Variants in DAG1 observed in about 807,000 individuals in gnomAD.
The protein encoded by DAG1 is dystroglycan 1.
A neutral mutation model predicts 46.1 loss-of-function variants in DAG1; 8 were observed. The ratio of observed to expected loss-of-function variants is 0.17; its 90% CI spans 0.10 to 0.31. DAG1 has a LOEUF of 0.31. Ranked by LOEUF, DAG1 falls within the 10% of genes least tolerant of loss-of-function variation. The pLI, the probability that DAG1 is intolerant of heterozygous loss-of-function variation, is 1.00. For synonymous variants in DAG1, 495 were observed against 481.8 expected, an observed-to-expected ratio of 1.03 and a Z score of -0.36; for missense variants, 1,003 against 1,189.9, an observed-to-expected ratio of 0.84 and a Z score of 2.31.
chr3:49,471,431 A>C (rs919629536), intron 1 of DAG1, among the ~76,000 whole-genome samples: 1 of 152,216 alleles, frequency 6.6e-6, no homozygotes, highest in Non-Finnish European at 1.5e-5. Flanking sequence ...GTTCAGAGAC[A>C]TTATTTTGGA....
At chr3:49,479,108 T>C (rs545689006) in intron 1 of DAG1, among the ~76,000 whole-genome samples, 1 of 151,416 alleles carries the variant, frequency 6.6e-6, no homozygotes, top group Non-Finnish European at 1.5e-5. Flanking sequence ...CATTTTATTT[T>C]TTCTGTAAAT....
chr3:49,533,951 G>C lies in DAG1; in HGVS notation c.*752G>C, dbSNP rs1301380843. On this transcript the variant is annotated 3_prime_UTR_variant, in exon 3 of 3. Transcript: ENST00000308775. ...GTTTGCTCTCCCGCTGTTGCCAGGG[G>C]CTGGAAGCTGGAGGGGTCTCTTGGG... 6.3e-6 allele frequency: 1 copy of C among 158,612 alleles called. No homozygotes were observed. The highest frequency in any genetic ancestry group is 1.4e-5 in the Non-Finnish European group (1 of 72,040). 9.8% of individuals were successfully genotyped at this position (158,612 alleles called of 1,614,324 possible).
chr3:49,482,174 C>G (rs1407382203), intron 1 of DAG1, among the ~76,000 whole-genome samples: 1 of 152,160 alleles, frequency 6.6e-6, no homozygotes, highest in Non-Finnish European at 1.5e-5. Flanking sequence ...TCTCTAGTCT[C>G]AATAAACTGG....
intron 2 of DAG1, among the ~76,000 whole-genome samples, chr3:49,527,631 A>G (rs967888415): frequency 8.6e-5 from 13 of 151,666 alleles, no homozygotes; most frequent in African/African-American, 2.7e-4. Flanking sequence ...TGATCCCGGG[A>G]GGCGGAGCTT....
At chr3:49,475,762 G>C (rs146101796) in intron 1 of DAG1, among the ~76,000 whole-genome samples, 1 of 148,138 alleles carries the variant, frequency 6.8e-6, no homozygotes, top group African/African-American at 2.5e-5. Flanking sequence ...GGAGTGCAGT[G>C]GTGCGATCCT....
chr3:49,491,204 C>T lies in DAG1; in HGVS notation c.-116-19215C>T, dbSNP rs2050172901. ...TTTCTATTTTTAATAGAGATGGGGT[C>T]CCACTATGTTGCCGGGGCTGGTCTC... On this transcript the variant is annotated intron_variant, in intron 1 of 2. Coordinates refer to ENST00000308775, the MANE Select transcript of DAG1 (RefSeq NM_004393.6). Among the ~76,000 whole-genome samples, 3 of 151,300 alleles carry T rather than the reference C, an allele frequency of 2.0e-5. No individual in the cohort carries two copies. In the South Asian group the frequency reaches 6.3e-4, roughly 32 times the overall value.
chr3:49,533,417 T>G lies in DAG1; in HGVS notation c.*218T>G. ...TGGGGACTTTTTTATTTTTATTTTT[T>G]GCCTAACAGCTTTTGGTTTGTTCAT... On this transcript the variant is annotated 3_prime_UTR_variant, in exon 3 of 3. Transcript: ENST00000308775. 1.3e-6 allele frequency: 1 copy of G among 741,250 alleles called. No homozygotes were observed. Among genetic ancestry groups the G allele is most frequent in the South Asian group, 1.5e-5 (1 of 67,596 alleles). 45.9% of individuals were successfully genotyped at this position (741,250 alleles called of 1,614,324 possible). A position where few individuals can be genotyped will look rare whatever the true frequency, so the allele number is the denominator to read the frequency against.
At chr3:49,523,120 G>A (rs937597884) in intron 2 of DAG1, among the ~76,000 whole-genome samples, 12 of 152,174 alleles carry the variant, frequency 7.9e-5, no homozygotes, top group African/African-American at 2.4e-4. Flanking sequence ...TCCTGGCCTG[G>A]CAGCCCTTAG....
At chr3:49,507,631 C>CTT (rs556207080) in intron 1 of DAG1, among the ~76,000 whole-genome samples, 1 of 148,730 alleles carries the variant, frequency 6.7e-6, no homozygotes, top group African/African-American at 2.5e-5. Flanking sequence ...TCTTTTTTTT[C>CTT]TTTTTTTTTC....
Position 49,510,705 on chromosome 3 carries a change from C to T in DAG1, c.171C>T (p.Leu57=). The change falls in exon 2 of 3, where the codon CTC becomes CTT. Residue 57 remains leucine, a synonymous_variant. Coordinates refer to ENST00000308775, the MANE Select transcript of DAG1 (RefSeq NM_004393.6). ...EASMHSVLSD[L]HEAVPTVVGI... is the part of the protein sequence containing the mutation. The stretch of plus-strand genomic sequence containing the variant: ...CCATGCACTCAGTGCTCTCAGACCT[C>T]CACGAGGCTGTTCCCACAGTGGTTG... 6.2e-7 allele frequency: 1 copy of T among 1,614,212 alleles called. No homozygotes were observed.
intron 1 of DAG1, among the ~76,000 whole-genome samples, chr3:49,504,444 T>C (rs911773593): frequency 3.9e-5 from 6 of 152,158 alleles, no homozygotes; most frequent in African/African-American, 1.4e-4. Flanking sequence ...AAGGCAATTT[T>C]TTCCCCGTTG....
Position 49,533,043 on chromosome 3 carries a change from G to T in DAG1, c.2532G>T (p.Gln844His). The part of the protein sequence containing the change: ...QSVPETTPLN[Q>H]DTMGEYTPLR... ...TGCCCGAGACCACTCCTCTGAACCA[G>T]GACACCATGGGAGAGTACACGCCCC... is the stretch of plus-strand genomic sequence containing the variant. The change falls in exon 3 of 3, where the codon CAG becomes CAT. Residue 844 changes from glutamine (Q) to histidine (H), a missense_variant. Transcript: ENST00000308775. 1 of 1,614,144 alleles carries T rather than the reference G, an allele frequency of 6.2e-7. No individual in the cohort carries two copies.
chr3:49,515,478 C>G (rs1470895593), intron 2 of DAG1, among the ~76,000 whole-genome samples: 1 of 151,436 alleles, frequency 6.6e-6, no homozygotes, highest in East Asian at 1.9e-4. Flanking sequence ...CCTCCACCTC[C>G]TAGCTTAAGC....
intron 2 of DAG1, among the ~76,000 whole-genome samples, chr3:49,516,883 A>G (rs543633379): frequency 6.6e-5 from 10 of 151,142 alleles, no homozygotes; most frequent in East Asian, 3.9e-4. Flanking sequence ...CGTTCAGCAG[A>G]TAGTGTGGCT....
At chr3:49,513,677 C>T (rs1361730890) in intron 2 of DAG1, among the ~76,000 whole-genome samples, 1 of 152,138 alleles carries the variant, frequency 6.6e-6, no homozygotes, top group African/African-American at 2.4e-5. Flanking sequence ...TCTGGGGCAA[C>T]CGTATTTCTG....
At chr3:49,528,679 T>A (rs1203096841) in intron 2 of DAG1, among the ~76,000 whole-genome samples, 1 of 152,202 alleles carries the variant, frequency 6.6e-6, no homozygotes, top group Non-Finnish European at 1.5e-5. Flanking sequence ...TACAGATGTT[T>A]TAACATTTCT....
chr3:49,517,750 C>T (rs2050934824), intron 2 of DAG1, among the ~76,000 whole-genome samples: 1 of 152,202 alleles, frequency 6.6e-6, no homozygotes, highest in Non-Finnish European at 1.5e-5. Flanking sequence ...GGTAAGCTAT[C>T]ATTGTTCCCT....
chr3:49,523,873 G>A (rs772378666), intron 2 of DAG1, among the ~76,000 whole-genome samples: 21 of 152,208 alleles, frequency 1.4e-4, no homozygotes, highest in African/African-American at 2.4e-4. Context: ...TGGGTCAAGC[G>A]CCAGCCAGCC....
At chr3:49,494,445 G>C (rs1445939483) in intron 1 of DAG1, among the ~76,000 whole-genome samples, 1 of 152,058 alleles carries the variant, frequency 6.6e-6, no homozygotes, top group Admixed American at 6.6e-5. Flanking sequence ...AATTAGGTCA[G>C]AAAGGCCACC....
Sources: allele counts gnomAD v4.1 joint callset (sites outside exome capture counted in the v4.1 genomes callset), GRCh38; gene constraint gnomAD v4.1.1; transcripts MANE v1.5; gene names NCBI Gene and HGNC (gene_info 2026-07-23, HGNC 2026-07-21).